The following FMNL2 variants were observed in gnomAD, a reference collection of about 807,000 sequenced individuals.
The protein encoded by FMNL2 is formin like 2.
In FMNL2, 51 loss-of-function variants were observed where a neutral mutation model predicts 130.2. The observed-to-expected ratio is 0.39, with a 90% CI of 0.31 to 0.49. The LOEUF is 0.49. Among genes scored for constraint, FMNL2 ranks in the 20% least tolerant of loss-of-function variants. The pLI is 0.85. For missense variants in FMNL2, 977 were observed against 1,316.2 expected (o/e 0.74, Z 3.99); for synonymous variants, 465 against 467.1 (o/e 1.00, Z 0.06).
intron 1 of FMNL2, among the ~76,000 whole-genome samples, chr2:152,410,838 T>C (rs778685979): frequency 1.4e-4 from 22 of 152,168 alleles, no homozygotes; most frequent in Admixed American, 1.0e-3. Context: ...GAAGTATAAA[T>C]GTTGTGAGCA....
intron 1 of FMNL2, among the ~76,000 whole-genome samples, chr2:152,470,673 T>G (rs936957742): frequency 5.3e-5 from 8 of 152,248 alleles, no homozygotes; most frequent in Non-Finnish European, 1.0e-4. Flanking sequence ...ATATTGCCAC[T>G]TCTAGATCCA....
At chr2:152,582,695 T>A (rs547429961) in intron 9 of FMNL2, among the ~76,000 whole-genome samples, 78 of 152,270 alleles carry the variant, frequency 5.1e-4, no homozygotes, top group African/African-American at 1.8e-3. Flanking sequence ...CATTTATAAA[T>A]AAGGAAGTAT....
At chr2:152,626,750 CTAGT>C in intron 17 of FMNL2, 23 bp downstream of exon 17, 2 of 1,571,866 alleles carry the variant, frequency 1.3e-6, no homozygotes, top group Non-Finnish European at 8.6e-7. Flanking sequence ...AAATTATATT[CTAGT>C]TAGTTTATGA....
At chr2:152,463,296 G>T (rs889849537) in intron 1 of FMNL2, among the ~76,000 whole-genome samples, 2 of 152,032 alleles carry the variant, frequency 1.3e-5, no homozygotes, top group African/African-American at 4.8e-5. Context: ...TGTTAGACAT[G>T]AATTAATTCA....
chr2:152,352,134 A>T (rs969086505), intron 1 of FMNL2, among the ~76,000 whole-genome samples: 8 of 152,196 alleles, frequency 5.3e-5, no homozygotes, highest in Non-Finnish European at 8.8e-5. Flanking sequence ...GGTTTACACA[A>T]TTCGATATCA....
intron 23 of FMNL2, among the ~76,000 whole-genome samples, chr2:152,638,164 ACT>A (rs1184768605): frequency 5.3e-5 from 8 of 152,042 alleles, no homozygotes; most frequent in South Asian, 2.1e-4. Flanking sequence ...AAGGATGGGC[ACT>A]CTCTGTTTCT....
chr2:152,483,035 C>T (rs1690619068), intron 1 of FMNL2, among the ~76,000 whole-genome samples: 1 of 152,050 alleles, frequency 6.6e-6, no homozygotes. Context: ...ATAAATAAAT[C>T]CAATCCCTTC....
chr2:152,425,670 CA>C (rs1190236838), intron 1 of FMNL2, among the ~76,000 whole-genome samples: 1 of 152,030 alleles, frequency 6.6e-6, no homozygotes, highest in African/African-American at 2.4e-5. Context: ...GTGTTTATAC[CA>C]GGTATTTTTA....
intron 1 of FMNL2, among the ~76,000 whole-genome samples, chr2:152,456,967 G>A (rs1358918993): frequency 1.3e-5 from 2 of 151,582 alleles, no homozygotes; most frequent in African/African-American, 4.9e-5. Flanking sequence ...TGCTACAAAG[G>A]AATCCCCTTT....
At chr2:152,474,875 G>A (rs539097667) in intron 1 of FMNL2, among the ~76,000 whole-genome samples, 211 of 152,234 alleles carry the variant, frequency 1.4e-3, no homozygotes, top group Non-Finnish European at 2.5e-3. Flanking sequence ...TCACAGAGCC[G>A]TTTAAAGGCA....
In FMNL2 at chr2:152,391,749, C is replaced by A. The variant is rs200404216; in HGVS notation, c.117+56029C>A. 4.6e-4 allele frequency among the ~76,000 whole-genome samples: 23 copies of A among 50,086 alleles called. 1 individual carries two copies. Among genetic ancestry groups the A allele is most frequent in the Non-Finnish European group, 1.3e-3 (19 of 14,936 alleles). The allele number at this position is 50,086 out of a possible 152,430, so 32.9% of individuals were successfully genotyped here. A position where few individuals can be genotyped will look rare whatever the true frequency, so the allele number is the denominator to read the frequency against. On this transcript the variant is annotated intron_variant, in intron 1 of 25. Coordinates refer to ENST00000288670, the MANE Select transcript of FMNL2 (RefSeq NM_052905.4). ...CAGATTTCCTGAAGGTCACATTATT[C>A]ATTAATAATAATGTTGCTCTTTGAG... is the stretch of plus-strand genomic sequence containing the variant.
At chr2:152,531,174 T>G (rs1051185830) in intron 2 of FMNL2, among the ~76,000 whole-genome samples, 4 of 152,126 alleles carry the variant, frequency 2.6e-5, no homozygotes, top group African/African-American at 9.7e-5. Flanking sequence ...TCAGATAGAG[T>G]ATAACTTCAA....
rs373499664 is a variant in FMNL2 at position 152,385,230 on chromosome 2, C to T, written c.117+49510C>T. On this transcript the variant is annotated intron_variant, in intron 1 of 25. Coordinates refer to ENST00000288670, the MANE Select transcript of FMNL2 (RefSeq NM_052905.4). ...CAAGTGCCCAAGAATGCAGCAGCAT[C>T]GAAACTGGGGATGAAGTGATTTGTT... 3.3e-5 allele frequency among the ~76,000 whole-genome samples: 5 copies of T among 152,258 alleles called. 1 individual carries two copies. The highest frequency in any genetic ancestry group is 6.5e-5 in the Admixed American group (1 of 15,284).
intron 21 of FMNL2, among the ~76,000 whole-genome samples, chr2:152,635,468 T>A (rs1325327273): frequency 6.6e-6 from 1 of 152,216 alleles, no homozygotes; most frequent in Non-Finnish European, 1.5e-5. Flanking sequence ...TTCCGTAGTC[T>A]AAAATAAATA....
At chr2:152,575,819 G>T (rs558918201) in intron 7 of FMNL2, among the ~76,000 whole-genome samples, 2 of 152,272 alleles carry the variant, frequency 1.3e-5, no homozygotes, top group Admixed American at 6.5e-5. Context: ...TACAATTATT[G>T]ACAGTTGGGC....
In FMNL2 at chr2:152,607,426, A is replaced by T. The variant is rs749937911; in HGVS notation, c.951+13A>T. The T allele has an allele frequency of 1.9e-6, 3 of 1,599,528 alleles. No homozygotes were observed. In the East Asian group the frequency reaches 6.7e-5, roughly 36 times the overall value. On this transcript the variant is annotated intron_variant, in intron 10 of 25. Transcript: ENST00000288670. ...CATAGATTTTATGGTGAGTTATTTCAGTATTCAATAAAGCAAACTCAGTTT... is the reference window on the plus strand; with the variant it reads ...CATAGATTTTATGGTGAGTTATTTCTGTATTCAATAAAGCAAACTCAGTTT...
Position 152,619,521 on chromosome 2 carries a change from C to T in FMNL2, c.1640C>T (p.Pro547Leu), listed in dbSNP as rs1254573120. Residue 547 changes from proline to leucine, a missense_variant, in exon 15 of 26, where the codon CCA becomes CTA. Around this residue, in one of 4 missense-constraint regions of FMNL2, gnomAD observed 689 missense variants for 995.9 expected, o/e 0.69. Coordinates refer to ENST00000288670, the MANE Select transcript of FMNL2 (RefSeq NM_052905.4). Reference protein sequence around the residue: ...SDTPETVQNGPVTPPMPPPPP... With the variant: ...SDTPETVQNGLVTPPMPPPPP... ...TTTTCTTTGCTAGTGCAAAATGGTC[C>T]AGTAACACCACCTATGCCACCGCCG... 2 of 1,549,114 alleles carry T rather than the reference C, an allele frequency of 1.3e-6. No individual in the cohort carries two copies. Among genetic ancestry groups the T allele is most frequent in the South Asian group, 1.2e-5 (1 of 83,936 alleles).
At chr2:152,468,531 A>G (rs949424589) in intron 1 of FMNL2, among the ~76,000 whole-genome samples, 2 of 152,218 alleles carry the variant, frequency 1.3e-5, no homozygotes, top group African/African-American at 4.8e-5. Context: ...GTGAATTACA[A>G]TGTGCTGTAA....
At chr2:152,424,794 A>T (rs1687112643) in intron 1 of FMNL2, among the ~76,000 whole-genome samples, 1 of 152,216 alleles carries the variant, frequency 6.6e-6, no homozygotes, top group African/African-American at 2.4e-5. Flanking sequence ...TCACAAGAAG[A>T]TGCTCAAGAG....
Sources: gnomAD v4.1 joint callset for allele counts (sites outside exome capture counted in the v4.1 genomes callset) on GRCh38, gnomAD v4.1.1 for gene constraint, gnomAD v4.1.1 regional missense constraint, MANE v1.5 for transcripts, NCBI Gene and HGNC (gene_info 2026-07-23, HGNC 2026-07-21) for gene names.